CYP7B1: variants seen among roughly 807,000 people sequenced by gnomAD.
The protein encoded by CYP7B1 is cytochrome P450 family 7 subfamily B member 1.
CYP7B1 carries 29 observed loss-of-function variants against 42.7 expected under a neutral mutation model. The observed-to-expected ratio is 0.68, with a 90% CI of 0.51 to 0.93. CYP7B1 has a LOEUF of 0.93. Among genes scored for constraint, CYP7B1 ranks in the 40% least tolerant of loss-of-function variants. The probability of loss-of-function intolerance (pLI) is 0.00; values close to 1 mark genes in which losing one functional copy is unlikely to be tolerated. For missense variants in CYP7B1, 655 were observed against 600.5 expected (o/e 1.09, Z -0.95); for synonymous variants, 235 against 218.2 (o/e 1.08, Z -0.68).
At chr8:64,642,841 G>A (rs920558108) in intron 1 of CYP7B1, among the ~76,000 whole-genome samples, 1 of 151,964 alleles carries the variant, frequency 6.6e-6, no homozygotes, top group East Asian at 1.9e-4. Context: ...TCCATCTTGG[G>A]ACAGTAGTGA....
chr8:64,758,823 A>T (rs1807845840), intron 1 of CYP7B1, among the ~76,000 whole-genome samples: 1 of 152,166 alleles, frequency 6.6e-6, no homozygotes, highest in African/African-American at 2.4e-5. Context: ...TAATACTAGG[A>T]TTATTGTTGT....
chr8:64,606,400 C>A (rs1805283288), intron 4 of CYP7B1, among the ~76,000 whole-genome samples: 2 of 152,174 alleles, frequency 1.3e-5, no homozygotes, highest in Non-Finnish European at 2.9e-5. Flanking sequence ...GCACAGCATC[C>A]TTTTAGCTTG....
At chr8:64,662,250 T>C (rs1045948672) in intron 1 of CYP7B1, among the ~76,000 whole-genome samples, 2 of 152,226 alleles carry the variant, frequency 1.3e-5, no homozygotes, top group African/African-American at 4.8e-5. Flanking sequence ...GGAGGATTAC[T>C]TGAGCCTGGG....
intron 1 of CYP7B1, among the ~76,000 whole-genome samples, chr8:64,747,131 T>C (rs1057407601): frequency 4.8e-4 from 71 of 148,962 alleles, no homozygotes; most frequent in African/African-American, 1.5e-3. Context: ...TATAGATCTA[T>C]ACTTACATAT....
intron 1 of CYP7B1, among the ~76,000 whole-genome samples, chr8:64,738,027 T>C (rs1371019351): frequency 1.3e-5 from 2 of 152,206 alleles, no homozygotes; most frequent in East Asian, 1.9e-4. Flanking sequence ...TTACCTTCCA[T>C]TGAAAAGGAG....
At chr8:64,681,072 A>C (rs954604773) in intron 1 of CYP7B1, among the ~76,000 whole-genome samples, 1 of 152,366 alleles carries the variant, frequency 6.6e-6, no homozygotes, top group African/African-American at 2.4e-5. Context: ...TGATTGGTTC[A>C]ATCTGTGCCT....
At chr8:64,725,193 T>A (rs986996907) in intron 1 of CYP7B1, among the ~76,000 whole-genome samples, 1 of 152,222 alleles carries the variant, frequency 6.6e-6, no homozygotes, top group African/African-American at 2.4e-5. Flanking sequence ...GTTCTCTGAG[T>A]CTTTGGGTCT....
intron 1 of CYP7B1, among the ~76,000 whole-genome samples, chr8:64,747,935 C>G (rs891922726): frequency 4.6e-5 from 7 of 151,978 alleles, no homozygotes; most frequent in African/African-American, 1.7e-4. Flanking sequence ...TAAAAACTTG[C>G]AGGGGAGGAA....
chr8:64,724,182 C>A (rs1176798371), intron 1 of CYP7B1, among the ~76,000 whole-genome samples: 3 of 151,844 alleles, frequency 2.0e-5, no homozygotes, highest in Non-Finnish European at 4.4e-5. Flanking sequence ...GTCACCCAGG[C>A]TAGATGGAGT....
intron 1 of CYP7B1, among the ~76,000 whole-genome samples, chr8:64,779,739 T>G (rs1804388337): frequency 6.6e-6 from 1 of 152,126 alleles, no homozygotes; most frequent in Admixed American, 6.6e-5. Context: ...TTTTAAATGG[T>G]TTATGAGCTC....
intron 1 of CYP7B1, among the ~76,000 whole-genome samples, chr8:64,744,821 A>G (rs1040396919): frequency 1.3e-5 from 2 of 152,222 alleles, no homozygotes; most frequent in Non-Finnish European, 2.9e-5. Flanking sequence ...GAGGACTTTC[A>G]AAAGTCAATA....
intron 1 of CYP7B1, among the ~76,000 whole-genome samples, chr8:64,695,927 T>C (rs1806821016): frequency 6.6e-6 from 1 of 152,218 alleles, no homozygotes; most frequent in Non-Finnish European, 1.5e-5. Context: ...TGTAATTAGA[T>C]ATAAATTTAA....
At chr8:64,723,676 A>G (rs1057264841) in intron 1 of CYP7B1, among the ~76,000 whole-genome samples, 1 of 152,210 alleles carries the variant, frequency 6.6e-6, no homozygotes, top group Non-Finnish European at 1.5e-5. Flanking sequence ...TTAAAATAAG[A>G]CATGCAAACA....
At chr8:64,748,767 A>G (rs1425676981) in intron 1 of CYP7B1, among the ~76,000 whole-genome samples, 2 of 152,178 alleles carry the variant, frequency 1.3e-5, no homozygotes, top group South Asian at 4.1e-4. Flanking sequence ...ATCTGCACCC[A>G]TGACTTCAAC....
intron 1 of CYP7B1, among the ~76,000 whole-genome samples, chr8:64,653,484 G>T (rs1043256046): frequency 6.6e-6 from 1 of 152,150 alleles, no homozygotes; most frequent in African/African-American, 2.4e-5. Context: ...CCAATAATGA[G>T]CTCTGAAACT....
chr8:64,672,742 C>A (rs1302618341), intron 1 of CYP7B1, among the ~76,000 whole-genome samples: 2 of 152,110 alleles, frequency 1.3e-5, no homozygotes, highest in African/African-American at 4.8e-5. Flanking sequence ...TCCCAAGGAA[C>A]GCTGACTTGC....
chr8:64,756,642 C>T (rs1807812644), intron 1 of CYP7B1, among the ~76,000 whole-genome samples: 1 of 152,142 alleles, frequency 6.6e-6, no homozygotes, highest in Admixed American at 6.5e-5. Flanking sequence ...TGCCCCTGCC[C>T]GCTAGCATCT....
chr8:64,625,464 A>G (rs970676035), intron 1 of CYP7B1, among the ~76,000 whole-genome samples: 2 of 152,258 alleles, frequency 1.3e-5, no homozygotes, highest in Admixed American at 6.5e-5. Flanking sequence ...ACTGTTTGAT[A>G]TAATTTACTC....
At chr8:64,674,260 G>A (rs1243785714) in intron 1 of CYP7B1, among the ~76,000 whole-genome samples, 2 of 152,094 alleles carry the variant, frequency 1.3e-5, no homozygotes, top group East Asian at 1.9e-4. Context: ...AGATACTTCC[G>A]ATTCATTGCC....
Sources: gnomAD v4.1 joint callset for allele counts (sites outside exome capture counted in the v4.1 genomes callset) on GRCh38, gnomAD v4.1.1 for gene constraint, MANE v1.5 for transcripts, NCBI Gene and HGNC (gene_info 2026-07-23, HGNC 2026-07-21) for gene names.